GRIA1: variants seen among roughly 807,000 people sequenced by gnomAD.
GRIA1 encodes glutamate ionotropic receptor AMPA type subunit 1, also known as glutamate receptor 1.
A neutral mutation model predicts 99.2 loss-of-function variants in GRIA1; 31 were observed. The observed-to-expected ratio is 0.31, with a 90% CI of 0.23 to 0.42. The LOEUF (loss-of-function observed/expected upper bound fraction) is 0.42. GRIA1 is among the 10% of genes least tolerant of loss of function. The probability of loss-of-function intolerance (pLI) is 1.00; values close to 1 mark genes in which losing one functional copy is unlikely to be tolerated. For missense variants in GRIA1, 782 were observed against 1,157.5 expected (o/e 0.68, Z 4.71); for synonymous variants, 438 against 432.4 (o/e 1.01, Z -0.16).
At chr5:153,753,453 G>T (rs138096713) in intron 11 of GRIA1, among the ~76,000 whole-genome samples, 187 of 152,288 alleles carry the variant, frequency 1.2e-3, no homozygotes, top group African/African-American at 4.3e-3. Context: ...ATTAGGTGAG[G>T]GAGGTAGTGT....
At chr5:153,563,825 T>C (rs1261995223) in intron 2 of GRIA1, among the ~76,000 whole-genome samples, 1 of 152,132 alleles carries the variant, frequency 6.6e-6, no homozygotes, top group South Asian at 2.1e-4. Flanking sequence ...CTCAAATTGT[T>C]CTCTTTTCAT....
chr5:153,737,575 C>T (rs1210382119), intron 11 of GRIA1, among the ~76,000 whole-genome samples: 1 of 152,150 alleles, frequency 6.6e-6, no homozygotes, highest in Admixed American at 6.5e-5. Context: ...AATCTCTCAG[C>T]CTCAGCCTGG....
chr5:153,627,706 C>A (rs1490436025), intron 2 of GRIA1, among the ~76,000 whole-genome samples: 1 of 152,128 alleles, frequency 6.6e-6, no homozygotes, highest in East Asian at 1.9e-4. Context: ...ATGCCCCCAC[C>A]TCCCCAGTTC....
intron 2 of GRIA1, among the ~76,000 whole-genome samples, chr5:153,505,367 C>T (rs909452945): frequency 1.3e-5 from 2 of 152,052 alleles, no homozygotes; most frequent in Admixed American, 6.6e-5. Flanking sequence ...AAAAATATAA[C>T]TTCCTGCTTC....
At chr5:153,778,250 A>G (rs1764401889) in intron 13 of GRIA1, among the ~76,000 whole-genome samples, 2 of 151,500 alleles carry the variant, frequency 1.3e-5, no homozygotes, top group South Asian at 4.2e-4. Flanking sequence ...GGAGGTTTGC[A>G]AAGGAGAGAA....
At chr5:153,625,785 C>T (rs1174485873) in intron 2 of GRIA1, among the ~76,000 whole-genome samples, 1 of 152,218 alleles carries the variant, frequency 6.6e-6, no homozygotes, top group South Asian at 2.1e-4. Flanking sequence ...TATGTGCCAG[C>T]CAATGTTCTG....
chr5:153,602,918 G>A (rs1166192925), intron 2 of GRIA1, among the ~76,000 whole-genome samples: 2 of 152,090 alleles, frequency 1.3e-5, no homozygotes, highest in African/African-American at 4.8e-5. Flanking sequence ...TCTTCAGGCT[G>A]GTAAACTGTC....
chr5:153,791,223 C>T (rs114338878), intron 13 of GRIA1, among the ~76,000 whole-genome samples: 2,306 of 150,952 alleles, frequency 0.015, 32 homozygotes, highest in Non-Finnish European at 0.022. Flanking sequence ...TTGCTTGAGG[C>T]CAGGAGTTAG....
intron 2 of GRIA1, among the ~76,000 whole-genome samples, chr5:153,591,304 A>G (rs1763953748): frequency 6.6e-6 from 1 of 152,210 alleles, no homozygotes; most frequent in African/African-American, 2.4e-5. Flanking sequence ...TAACTTTTCA[A>G]AACCATTCCA....
intron 2 of GRIA1, among the ~76,000 whole-genome samples, chr5:153,541,928 CAAAAAAA>C (rs57442019): frequency 8.9e-4 from 87 of 97,432 alleles, no homozygotes; most frequent in African/African-American, 2.5e-3. Context: ...GATCCTGTTT[CAAAAAAA>C]AAAAAAAAAA....
At chr5:153,717,194 A>G (rs1383504076) in intron 11 of GRIA1, among the ~76,000 whole-genome samples, 1 of 152,182 alleles carries the variant, frequency 6.6e-6, no homozygotes, top group Non-Finnish European at 1.5e-5. Context: ...GGGTTGCACA[A>G]AACCCTTTGT....
intron 2 of GRIA1, among the ~76,000 whole-genome samples, chr5:153,597,701 C>T (rs924518517): frequency 2.0e-5 from 3 of 152,178 alleles, no homozygotes; most frequent in East Asian, 1.9e-4. Flanking sequence ...AAAAACCATA[C>T]TTGCCCTCAA....
chr5:153,615,478 C>CA (rs1766407678), intron 2 of GRIA1, among the ~76,000 whole-genome samples: 1 of 152,070 alleles, frequency 6.6e-6, no homozygotes, highest in Admixed American at 6.6e-5. Flanking sequence ...CCTGCCTCTA[C>CA]AAAAAATTTT....
chr5:153,687,217 G>A (rs1757403613), intron 8 of GRIA1, among the ~76,000 whole-genome samples: 1 of 152,166 alleles, frequency 6.6e-6, no homozygotes, highest in South Asian at 2.1e-4. Flanking sequence ...ATAATGACTG[G>A]GAGGCATTGT....
chr5:153,577,154 T>TTGGATGGA lies in GRIA1; in HGVS notation c.221-69734_221-69727dup, dbSNP rs35199031. ...GGTGGATGGATGGATGGATGGATGG[T>TTGGATGGA]TGGATGGATGGATGGATGGATGGAT... On this transcript the variant is annotated intron_variant, in intron 2 of 15. Transcript: ENST00000285900. 5.2e-4 allele frequency among the ~76,000 whole-genome samples: 62 copies of TTGGATGGA among 120,076 alleles called. 1 individual carries two copies. Among genetic ancestry groups the TTGGATGGA allele is most frequent in the African/African-American group, 1.8e-3 (60 of 33,802 alleles). 78.8% of individuals were successfully genotyped at this position (120,076 alleles called of 152,430 possible).
chr5:153,727,083 T>A (rs1328571938), intron 11 of GRIA1, among the ~76,000 whole-genome samples: 1 of 152,096 alleles, frequency 6.6e-6, no homozygotes, highest in Non-Finnish European at 1.5e-5. Context: ...TGGTTCAATA[T>A]ATGCAAATCA....
rs186179776 is a variant in GRIA1, at chr5:153,802,322, C to T, written c.2386-34C>T. 555 of 1,608,414 alleles carry T rather than the reference C, an allele frequency of 3.5e-4. 3 individuals are homozygous for T. In the East Asian group the frequency reaches 8.0e-3, roughly 23 times the overall value. On this transcript the variant is annotated intron_variant, in intron 14 of 15. Coordinates refer to ENST00000285900, the MANE Select transcript of GRIA1 (RefSeq NM_000827.4). ...AGCCTCTTGACTCACTTTATTCTTC[C>T]CCCTCCCCTTCCTTTCCCTCCTCCT...
intron 15 of GRIA1, among the ~76,000 whole-genome samples, chr5:153,808,383 C>T (rs548640303): frequency 9.9e-5 from 15 of 150,864 alleles, no homozygotes; most frequent in Admixed American, 2.6e-4. Flanking sequence ...TTAGCCACGA[C>T]GGGGGGCGGG....
At chr5:153,792,874 T>C (rs982906916) in intron 13 of GRIA1, among the ~76,000 whole-genome samples, 2 of 152,160 alleles carry the variant, frequency 1.3e-5, no homozygotes, top group Non-Finnish European at 2.9e-5. Flanking sequence ...TTAATGGAAA[T>C]TGCTTTCCCA....
Sources: allele counts gnomAD v4.1 joint callset (sites outside exome capture counted in the v4.1 genomes callset), GRCh38; gene constraint gnomAD v4.1.1; transcripts MANE v1.5; gene names NCBI Gene and HGNC (gene_info 2026-07-23, HGNC 2026-07-21).